Variants in ZNF570 observed in about 807,000 individuals in gnomAD.
ZNF570 encodes the protein zinc finger protein 570.
In ZNF570, 8 loss-of-function variants were observed where a neutral mutation model predicts 14.2. The observed-to-expected ratio is 0.56, with a 90% CI of 0.33 to 1.02. The LOEUF (loss-of-function observed/expected upper bound fraction) is 1.02. ZNF570 is among the 50% of genes least tolerant of loss of function. The pLI is 0.03. For synonymous variants in ZNF570, 202 were observed against 207.6 expected (o/e 0.97, Z 0.23); for missense variants, 559 against 624.9 (o/e 0.89, Z 1.12).
intron 2 of ZNF570, among the ~76,000 whole-genome samples, chr19:37,474,457 CTTTTG>C (rs1290872230): frequency 6.6e-6 from 1 of 151,986 alleles, no homozygotes; most frequent in Non-Finnish European, 1.5e-5. Flanking sequence ...GAGATAGTTT[CTTTTG>C]TTTTGTTTTG....
At chr19:37,483,142 A>G (rs561943009) in intron 4 of ZNF570, among the ~76,000 whole-genome samples, 2 of 152,186 alleles carry the variant, frequency 1.3e-5, no homozygotes, top group South Asian at 4.1e-4. Context: ...TTTATATCCT[A>G]CTACTCACTC....
chr19:37,468,564 C>G (rs1403825385), upstream of ZNF570, among the ~76,000 whole-genome samples: 2 of 151,936 alleles, frequency 1.3e-5, no homozygotes, highest in Admixed American at 1.3e-4. Flanking sequence ...GGCGCGATCT[C>G]GGCTCACTGC....
At chr19:37,481,389 G>A (rs563609998) in intron 4 of ZNF570, among the ~76,000 whole-genome samples, 15 of 152,256 alleles carry the variant, frequency 9.9e-5, no homozygotes, top group African/African-American at 3.6e-4. Flanking sequence ...TCCTGAGCTC[G>A]TGATCTGCCC....
intron 2 of ZNF570, among the ~76,000 whole-genome samples, chr19:37,473,765 G>T (rs2147006480): frequency 6.6e-6 from 1 of 152,272 alleles, no homozygotes; most frequent in African/African-American, 2.4e-5. Flanking sequence ...GGATATCGAA[G>T]TGACCAAAGA....
intron 4 of ZNF570, among the ~76,000 whole-genome samples, chr19:37,477,004 C>A (rs762259013): frequency 7.9e-5 from 12 of 152,032 alleles, no homozygotes; most frequent in Non-Finnish European, 1.3e-4. Context: ...CTGTGCCTGG[C>A]CTCTTATAAA....
rs1042153102 is a variant in ZNF570 at position 37,488,460 on chromosome 19, A to C, written c.*3227A>C. 6.6e-6 allele frequency: 1 copy of C among 152,188 alleles called. No individual in the cohort carries two copies. Among genetic ancestry groups the C allele is most frequent in the Non-Finnish European group, 1.5e-5 (1 of 68,024 alleles). 9.4% of individuals were successfully genotyped at this position (152,188 alleles called of 1,614,324 possible). ...AGTGGTGACCTGCAGGGAGAAAGACAACTGAGATTGGGGAAAGGATGCAAA... is the reference window on the plus strand; with the variant it reads ...AGTGGTGACCTGCAGGGAGAAAGACCACTGAGATTGGGGAAAGGATGCAAA... On this transcript the variant is annotated 3_prime_UTR_variant, in exon 5 of 5. Coordinates refer to ENST00000330173, the MANE Select transcript of ZNF570 (RefSeq NM_144694.5).
intron 2 of ZNF570, among the ~76,000 whole-genome samples, chr19:37,474,983 A>G (rs1482388290): frequency 4.7e-5 from 6 of 126,886 alleles, no homozygotes; most frequent in Admixed American, 8.3e-5. Flanking sequence ...TTTTTTTTTG[A>G]GATGGAGTCT....
At chr19:37,469,248 A>C, upstream of ZNF570, 7 of 1,384,026 alleles carry the variant, frequency 5.1e-6, no homozygotes, top group South Asian at 1.6e-5. Flanking sequence ...GCTGCCAGAC[A>C]CTGCGACGCC....
Position 37,469,550 on chromosome 19 carries a change from G to A in ZNF570, c.-59G>A, listed in dbSNP as rs1216242430. The A allele has an allele frequency of 2.0e-6, 3 of 1,536,426 alleles. No individual in the cohort carries two copies. The highest frequency in any genetic ancestry group is 3.9e-5 in the Admixed American group (2 of 51,006). On this transcript the variant is annotated 5_prime_UTR_variant, in exon 1 of 5. Coordinates refer to ENST00000330173, the MANE Select transcript of ZNF570 (RefSeq NM_144694.5). ...CAGGCCATCTGTGTGACTCCGGTGCGAGTGGAGGTTGGTACCGTTCAGTGC... is the reference window on the plus strand; with the variant it reads ...CAGGCCATCTGTGTGACTCCGGTGCAAGTGGAGGTTGGTACCGTTCAGTGC...
chr19:37,473,947 G>C (rs1273881265), intron 2 of ZNF570, among the ~76,000 whole-genome samples: 2 of 152,116 alleles, frequency 1.3e-5, no homozygotes, highest in East Asian at 3.8e-4. Flanking sequence ...TTAGGGAGGA[G>C]GAAATGGTTT....
Position 37,469,418 on chromosome 19 carries a change from T to C in ZNF570, c.-191T>C. 1 of 1,530,028 alleles carries C rather than the reference T, an allele frequency of 6.5e-7. No homozygotes were observed. The highest frequency in any genetic ancestry group is 1.2e-5 in the South Asian group (1 of 83,216). The allele number at this position is 1,530,028 out of a possible 1,614,324, so 94.8% of individuals were successfully genotyped here. On this transcript the variant is annotated 5_prime_UTR_variant, in exon 1 of 5. Coordinates refer to ENST00000330173, the MANE Select transcript of ZNF570 (RefSeq NM_144694.5). ...ACTAAGGGTAGCGGTGAGACCCGAG[T>C]GCAGATTCCCCGAGCCTTCGGGGCA...
intron 3 of ZNF570, 136 bp from the exon 4 acceptor site, chr19:37,476,203 T>C: frequency 7.9e-7 from 1 of 1,273,518 alleles, no homozygotes; most frequent in Non-Finnish European, 1.1e-6. Flanking sequence ...TCCTTATCCT[T>C]CTAATACATG....
Position 37,483,871 on chromosome 19 carries a change from C to T in ZNF570, c.257-8C>T, listed in dbSNP as rs1225996862. The T allele has an allele frequency of 3.8e-6, 6 of 1,573,950 alleles. No homozygotes were observed. Among genetic ancestry groups the T allele is most frequent in the African/African-American group, 1.4e-5 (1 of 72,910 alleles). ...GAGGAGACATTTTTTCTTATTATTA[C>T]TTTTCAGGCTGGGAGCCTATATGTG... On this transcript the variant is annotated splice_region_variant and splice_polypyrimidine_tract_variant and intron_variant, in intron 4 of 4. Transcript: ENST00000330173.
At chr19:37,476,603 T>C in intron 4 of ZNF570, 169 bp downstream of exon 4, 1 of 991,244 alleles carries the variant, frequency 1.0e-6, no homozygotes, top group Non-Finnish European at 1.4e-6. Context: ...TTTTTAATTA[T>C]TTCCCTTCTC....
chr19:37,475,930 G>A lies in ZNF570; in HGVS notation c.83G>A (p.Trp28Ter). Reference protein sequence around the residue: ...DVAVDFSQEEWDCLDSSQRHL... With the variant: ...DVAVDFSQEE ...GCTGTAGACTTCTCCCAAGAGGAAT[G>A]GGATTGTCTGGATTCTTCTCAAAGA... The change falls in exon 3 of 5, where the codon TGG (tryptophan) becomes TAG (stop). Residue 28 changes from tryptophan (W) to a stop codon, truncating the protein, a stop_gained. Transcript: ENST00000330173. LOFTEE classifies it high-confidence loss of function. 2 of 1,614,000 alleles carry A rather than the reference G, an allele frequency of 1.2e-6. No homozygotes were observed. Among genetic ancestry groups the A allele is most frequent in the Non-Finnish European group, 8.5e-7 (1 of 1,179,936 alleles).
chr19:37,470,441 C>G, intron 2 of ZNF570, 54 bp downstream of exon 2: 1 of 1,561,666 alleles, frequency 6.4e-7, no homozygotes, highest in South Asian at 1.1e-5. Context: ...TCAAAACAAG[C>G]AGGTACTAAT....
At chr19:37,480,599 T>C (rs190544171) in intron 4 of ZNF570, among the ~76,000 whole-genome samples, 1 of 152,362 alleles carries the variant, frequency 6.6e-6, no homozygotes, top group East Asian at 1.9e-4. Flanking sequence ...TGAAGTTGTA[T>C]AATAGACCAT....
intron 2 of ZNF570, among the ~76,000 whole-genome samples, chr19:37,472,079 G>C (rs546088449): frequency 2.5e-4 from 38 of 151,896 alleles, no homozygotes; most frequent in Admixed American, 3.3e-4. Flanking sequence ...GCTAATTTTT[G>C]TATTTTTAGT....
At position 37,469,497 on chromosome 19, in the gene ZNF570, T is replaced by A. The variant is rs747012565; in HGVS notation, c.-112T>A. 1.3e-6 allele frequency: 2 copies of A among 1,536,012 alleles called. No individual in the cohort carries two copies. Among genetic ancestry groups the A allele is most frequent in the South Asian group, 2.4e-5 (2 of 84,032 alleles). ...TGCAGGTCGGGAGTGGGCTGAGGAG[T>A]GGCGTGTGGGTCTCCGGAAGCTCGT... On this transcript the variant is annotated 5_prime_UTR_variant, in exon 1 of 5. Transcript: ENST00000330173.
Sources: gnomAD v4.1 joint callset for allele counts (sites outside exome capture counted in the v4.1 genomes callset) on GRCh38, gnomAD v4.1.1 for gene constraint, MANE v1.5 for transcripts, NCBI Gene and HGNC (gene_info 2026-07-23, HGNC 2026-07-21) for gene names.